Variants in SLC39A9 observed in about 807,000 individuals in gnomAD.
The protein encoded by SLC39A9 is zinc transporter ZIP9.
A neutral mutation model predicts 28.4 loss-of-function variants in SLC39A9; 14 were observed. The observed-to-expected ratio is 0.49, with a 90% CI of 0.33 to 0.77. SLC39A9 has a LOEUF of 0.77. Among genes scored for constraint, SLC39A9 ranks in the 30% least tolerant of loss-of-function variants. SLC39A9 has a pLI of 0.02. For missense variants in SLC39A9, 283 were observed against 381.1 expected (o/e 0.74, Z 2.14); for synonymous variants, 119 against 149.6 (o/e 0.80, Z 1.49).
intron 3 of SLC39A9, among the ~76,000 whole-genome samples, chr14:69,447,968 A>G (rs1389466191): frequency 6.6e-6 from 1 of 151,340 alleles, no homozygotes; most frequent in Non-Finnish European, 1.5e-5. Context: ...TAATCCCAGC[A>G]CTTTGGGAGG....
At chr14:69,412,866 T>C (rs1196316515) in intron 1 of SLC39A9, among the ~76,000 whole-genome samples, 1 of 152,148 alleles carries the variant, frequency 6.6e-6, no homozygotes, top group Non-Finnish European at 1.5e-5. Context: ...AACAATACAA[T>C]AGTTTTACCT....
intron 1 of SLC39A9, among the ~76,000 whole-genome samples, chr14:69,417,264 C>CA (rs1389712643): frequency 6.6e-6 from 1 of 152,144 alleles, no homozygotes; most frequent in Non-Finnish European, 1.5e-5. Flanking sequence ...TCAGGCTTGT[C>CA]AAAGATCAGA....
Position 69,459,855 on chromosome 14 carries a change from C to T in SLC39A9, c.*1262C>T, listed in dbSNP as rs757338069. On this transcript the variant is annotated 3_prime_UTR_variant, in exon 7 of 7. Transcript: ENST00000336643. The stretch of plus-strand genomic sequence containing the variant: ...AATTCTTATCAGGACAACCACTTCT[C>T]GAACTGTAATAATGAAGATAATAAT... 17 of 985,054 alleles carry T rather than the reference C, an allele frequency of 1.7e-5. No individual in the cohort carries two copies. The highest frequency in any genetic ancestry group is 9.4e-5 in the South Asian group (2 of 21,292). 61.0% of individuals were successfully genotyped at this position (985,054 alleles called of 1,614,324 possible).
rs570258481 is a variant in SLC39A9 at position 69,442,141 on chromosome 14, A to G, written c.278A>G (p.His93Arg). ...AAAGCAGCAGAAAAATCAGTTGTCC[A>G]TGAACATGAGCACAGCCACGACCAC... ...SDKAAEKSVV[H>R]EHEHSHDHTQ... is the part of the protein sequence containing the mutation. Residue 93 changes from histidine to arginine, a missense_variant, in exon 3 of 7, where the codon CAT becomes CGT. Physicochemically the swap from His to Arg is conservative, Grantham distance 29. Coordinates refer to ENST00000336643, the MANE Select transcript of SLC39A9 (RefSeq NM_018375.5). The G allele has an allele frequency of 1.9e-6, 3 of 1,614,242 alleles. No homozygotes were observed. The highest frequency in any genetic ancestry group is 2.2e-5 in the South Asian group (2 of 91,088).
intron 1 of SLC39A9, among the ~76,000 whole-genome samples, chr14:69,409,821 A>G (rs975622940): frequency 6.6e-6 from 1 of 152,214 alleles, no homozygotes; most frequent in African/African-American, 2.4e-5. Flanking sequence ...GATAAAGGGC[A>G]TGAATGTTCT....
chr14:69,446,746 G>A (rs191853373), intron 3 of SLC39A9, among the ~76,000 whole-genome samples: 2 of 151,692 alleles, frequency 1.3e-5, no homozygotes, highest in African/African-American at 4.8e-5. Context: ...GGTGGCACAC[G>A]CCTGTAATCC....
chr14:69,443,744 C>T (rs934458443), intron 3 of SLC39A9, among the ~76,000 whole-genome samples: 1 of 152,070 alleles, frequency 6.6e-6, no homozygotes, highest in African/African-American at 2.4e-5. Context: ...GTGGTACGCA[C>T]CTGGAGTCCC....
chr14:69,410,715 G>A (rs1883215441), intron 1 of SLC39A9, among the ~76,000 whole-genome samples: 1 of 152,106 alleles, frequency 6.6e-6, no homozygotes, highest in Non-Finnish European at 1.5e-5. Flanking sequence ...AGAATATGGG[G>A]GAAAACTTTG....
In SLC39A9 at chr14:69,460,491, A is replaced by G. The variant is rs1254935613; in HGVS notation, c.*1898A>G. 1.1e-5 allele frequency: 11 copies of G among 985,308 alleles called. No individual in the cohort carries two copies. The highest frequency in any genetic ancestry group is 4.7e-5 in the South Asian group (1 of 21,294). The allele number at this position is 985,308 out of a possible 1,614,324, so 61.0% of individuals were successfully genotyped here. On this transcript the variant is annotated 3_prime_UTR_variant, in exon 7 of 7. Transcript: ENST00000336643. ...GTTTCATCTAGTCCTTCAAAACTAT[A>G]TGGTTGCCTAGATTCTCTCTGGAAA... is the stretch of plus-strand genomic sequence containing the variant.
At chr14:69,427,819 A>G (rs1229809209) in intron 2 of SLC39A9, among the ~76,000 whole-genome samples, 1 of 152,236 alleles carries the variant, frequency 6.6e-6, no homozygotes, top group Non-Finnish European at 1.5e-5. Flanking sequence ...ACTTGTTATA[A>G]CATGTCTGAA....
At chr14:69,401,941 A>C (rs1003873288) in intron 1 of SLC39A9, among the ~76,000 whole-genome samples, 9 of 152,206 alleles carry the variant, frequency 5.9e-5, no homozygotes, top group Non-Finnish European at 1.0e-4. Flanking sequence ...CAATGTTGTA[A>C]TGAAACTAGT....
At chr14:69,458,197 T>C (rs1459088940) in intron 6 of SLC39A9, among the ~76,000 whole-genome samples, 166 bp from the exon 7 acceptor site, 1 of 152,214 alleles carries the variant, frequency 6.6e-6, no homozygotes, top group East Asian at 1.9e-4. Flanking sequence ...TAAACCCTTA[T>C]TTGGAAGCTT....
At chr14:69,410,767 C>T (rs899499009) in intron 1 of SLC39A9, among the ~76,000 whole-genome samples, 1 of 151,392 alleles carries the variant, frequency 6.6e-6, no homozygotes, top group Non-Finnish European at 1.5e-5. Flanking sequence ...GATATTTTAT[C>T]TCTTCAGTGC....
At chr14:69,440,308 G>T (rs547431461) in intron 2 of SLC39A9, among the ~76,000 whole-genome samples, 8 of 151,928 alleles carry the variant, frequency 5.3e-5, no homozygotes, top group Non-Finnish European at 1.0e-4. Context: ...ATAGTGTCAG[G>T]CACGGTGGCT....
chr14:69,446,026 TTGTTG>T (rs1416604631), intron 3 of SLC39A9, among the ~76,000 whole-genome samples: 1 of 101,048 alleles, frequency 9.9e-6, no homozygotes, highest in African/African-American at 4.1e-5. Context: ...GAACTCGTTG[TTGTTG>T]TTGTTGTTGT....
chr14:69,441,120 A>C (rs1289305328), intron 2 of SLC39A9, among the ~76,000 whole-genome samples: 1 of 152,084 alleles, frequency 6.6e-6, no homozygotes, highest in Non-Finnish European at 1.5e-5. Context: ...TCTACAAAAA[A>C]ATTTTCAAAT....
In SLC39A9 at chr14:69,442,191, G is replaced by A. The variant is rs1885081050; in HGVS notation, c.328G>A (p.Val110Ile). 2 of 1,614,114 alleles carry A rather than the reference G, an allele frequency of 1.2e-6. No individual in the cohort carries two copies. The highest frequency in any genetic ancestry group is 8.5e-7 in the Non-Finnish European group (1 of 1,180,056). The change falls in exon 3 of 7, where the codon GTT becomes ATT. Residue 110 changes from valine (V) to isoleucine (I), a missense_variant. Transcript: ENST00000336643. ...DHTQLHAYIG[V>I]SLVLGFVFML... ...CACACAGCTGCATGCCTATATTGGT[G>A]TTTCCCTCGTTCTGGGCTTCGTTTT...
At chr14:69,401,716 C>A (rs1397653885) in intron 1 of SLC39A9, among the ~76,000 whole-genome samples, 1 of 152,020 alleles carries the variant, frequency 6.6e-6, no homozygotes, top group Non-Finnish European at 1.5e-5. Context: ...CTTAAATTGA[C>A]GGTCAGATGG....
chr14:69,440,975 T>C (rs1179278343), intron 2 of SLC39A9, among the ~76,000 whole-genome samples: 1 of 151,756 alleles, frequency 6.6e-6, no homozygotes, highest in African/African-American at 2.4e-5. Flanking sequence ...TTTTGTTTTG[T>C]TTTTAAGAGA....
Sources: gnomAD v4.1 joint callset for allele counts (sites outside exome capture counted in the v4.1 genomes callset) on GRCh38, gnomAD v4.1.1 for gene constraint, MANE v1.5 for transcripts, NCBI Gene and HGNC (gene_info 2026-07-23, HGNC 2026-07-21) for gene names.